Variants in REDIC1 observed in about 807,000 individuals in gnomAD.
REDIC1 encodes HEI10 Interacting Protein 1.
chr12:39,671,487 G>A, the REDIC1 span, among the ~76,000 whole-genome samples: 1 of 152,180 alleles, frequency 6.6e-6, no homozygotes, highest in Admixed American at 6.5e-5. Context: ...GACAGATCCA[G>A]GTGGGCCAAT....
At chr12:39,798,752 C>T in the REDIC1 span, among the ~76,000 whole-genome samples, 4 of 152,074 alleles carry the variant, frequency 2.6e-5, no homozygotes, top group Non-Finnish European at 5.9e-5. Flanking sequence ...CTTTTGGAAA[C>T]ATAAAAATCT....
chr12:39,825,100 AATCT>A, the REDIC1 span, among the ~76,000 whole-genome samples: 7 of 152,158 alleles, frequency 4.6e-5, no homozygotes, highest in African/African-American at 1.7e-4. Flanking sequence ...CCAAATAGGG[AATCT>A]ATCTAGCTAT....
chr12:39,826,709 G>GT, the REDIC1 span, among the ~76,000 whole-genome samples: 925 of 145,430 alleles, frequency 6.4e-3, 6 homozygotes, highest in African/African-American at 0.021. Flanking sequence ...AGCTTCCCAA[G>GT]TTTTTTTTTT....
At chr12:39,630,689 T>C in the REDIC1 span, among the ~76,000 whole-genome samples, 1 of 152,140 alleles carries the variant, frequency 6.6e-6, no homozygotes, top group Admixed American at 6.5e-5. Context: ...AGCTGAGAGT[T>C]TGGCTACTCA....
At chr12:39,765,599 A>G in the REDIC1 span, among the ~76,000 whole-genome samples, 1,115 of 152,078 alleles carry the variant, frequency 7.3e-3, 21 homozygotes, top group African/African-American at 0.025. Flanking sequence ...TCCAAGCCCT[A>G]TTGTTACCAT....
chr12:39,714,251 G>A, the REDIC1 span, among the ~76,000 whole-genome samples: 22 of 126,598 alleles, frequency 1.7e-4, 4 homozygotes, highest in Admixed American at 1.1e-3. Flanking sequence ...ATGTATATAC[G>A]TATATGCATG....
the REDIC1 span, among the ~76,000 whole-genome samples, chr12:39,792,849 A>T: frequency 6.6e-6 from 1 of 150,962 alleles, no homozygotes; most frequent in East Asian, 1.9e-4. Context: ...GTTCAAACCG[A>T]TATTGTTCTA....
the REDIC1 span, among the ~76,000 whole-genome samples, chr12:39,627,608 A>C: frequency 6.6e-6 from 1 of 152,206 alleles, no homozygotes; most frequent in East Asian, 1.9e-4. Flanking sequence ...GGTGTACTGC[A>C]GCACCTGGAG....
the REDIC1 span, among the ~76,000 whole-genome samples, chr12:39,702,752 C>T: frequency 6.6e-6 from 1 of 152,192 alleles, no homozygotes; most frequent in Non-Finnish European, 1.5e-5. Flanking sequence ...AAGTGGACTT[C>T]ATCCCTGGGA....
chr12:39,837,730 A>C, the REDIC1 span, among the ~76,000 whole-genome samples: 1 of 152,226 alleles, frequency 6.6e-6, no homozygotes, highest in African/African-American at 2.4e-5. Flanking sequence ...ACCAAAAAAC[A>C]CATGAAAAAA....
At chr12:39,894,451 G>T in the REDIC1 span, among the ~76,000 whole-genome samples, 1 of 152,064 alleles carries the variant, frequency 6.6e-6, no homozygotes, top group Non-Finnish European at 1.5e-5. Flanking sequence ...TTTAATAAAA[G>T]GACTTACTCA....
At chr12:39,778,325 C>G in the REDIC1 span, among the ~76,000 whole-genome samples, 395 of 152,282 alleles carry the variant, frequency 2.6e-3, no homozygotes, top group South Asian at 5.6e-3. Flanking sequence ...CATGTGCCAC[C>G]TAGCTGAGGG....
At chr12:39,891,507 TACTCA>T in the REDIC1 span, among the ~76,000 whole-genome samples, 2 of 152,188 alleles carry the variant, frequency 1.3e-5, no homozygotes, top group Non-Finnish European at 2.9e-5. Flanking sequence ...GTAATATATT[TACTCA>T]ACTCTATTGT....
the REDIC1 span, among the ~76,000 whole-genome samples, chr12:39,811,932 A>G: frequency 6.6e-6 from 1 of 152,156 alleles, no homozygotes; most frequent in Non-Finnish European, 1.5e-5. Context: ...TAAACAATTT[A>G]TTTTAACATA....
chr12:39,870,546 A>C, the REDIC1 span, among the ~76,000 whole-genome samples: 1 of 152,210 alleles, frequency 6.6e-6, no homozygotes, highest in Non-Finnish European at 1.5e-5. Context: ...TTCTGCCTTT[A>C]GTCTGTTCTC....
At chr12:39,674,051 C>T in the REDIC1 span, among the ~76,000 whole-genome samples, 1 of 152,084 alleles carries the variant, frequency 6.6e-6, no homozygotes, top group Non-Finnish European at 1.5e-5. Flanking sequence ...GTTGGACTTA[C>T]TTGTCTTAAT....
the REDIC1 span, among the ~76,000 whole-genome samples, chr12:39,733,229 G>A: frequency 6.6e-6 from 1 of 152,122 alleles, no homozygotes. Flanking sequence ...TACTCTGCAT[G>A]CTTATGGAAT....
chr12:39,628,466 A>G, the REDIC1 span, among the ~76,000 whole-genome samples: 1 of 152,024 alleles, frequency 6.6e-6, no homozygotes, highest in East Asian at 1.9e-4. Context: ...TTTATCCCAA[A>G]CCATGCTGGA....
the REDIC1 span, among the ~76,000 whole-genome samples, chr12:39,697,164 A>G: frequency 1.3e-5 from 2 of 152,226 alleles, no homozygotes; most frequent in East Asian, 3.8e-4. Context: ...TACGTCTGGG[A>G]GCAGACTTTG....
Sources: allele counts gnomAD v4.1 joint callset (sites outside exome capture counted in the v4.1 genomes callset), GRCh38; gene constraint gnomAD v4.1.1; transcripts MANE v1.5; gene names NCBI Gene and HGNC (gene_info 2026-07-23, HGNC 2026-07-21).